CFAP299: variants seen among roughly 807,000 people sequenced by gnomAD.
CFAP299 encodes the protein cilia- and flagella-associated protein 299.
In CFAP299, 21 loss-of-function variants were observed where a neutral mutation model predicts 27.0. The ratio of observed to expected loss-of-function variants is 0.78; its 90% CI spans 0.55 to 1.12. The LOEUF (loss-of-function observed/expected upper bound fraction) is 1.12. CFAP299 is among the 50% of genes most tolerant of loss of function. CFAP299 has a pLI of 0.00. For synonymous variants in CFAP299, 104 were observed against 98.1 expected (o/e 1.06, Z -0.36); for missense variants, 310 against 276.6 (o/e 1.12, Z -0.86).
chr4:80,701,796 G>A (rs1721499929), intron 3 of CFAP299, among the ~76,000 whole-genome samples: 1 of 151,944 alleles, frequency 6.6e-6, no homozygotes, highest in Non-Finnish European at 1.5e-5. Context: ...AACGGAATGT[G>A]TGCTTCTACT....
At chr4:80,387,967 G>C (rs1328834565) in intron 2 of CFAP299, 1 of 759,606 alleles carries the variant, frequency 1.3e-6, no homozygotes, top group African/African-American at 1.7e-5. Context: ...TGTACACTGT[G>C]GGGGTGGGGT....
intron 4 of CFAP299, among the ~76,000 whole-genome samples, chr4:80,937,867 G>A (rs1736991758): frequency 6.6e-6 from 1 of 151,912 alleles, no homozygotes; most frequent in South Asian, 2.1e-4. Flanking sequence ...TATTTGGATT[G>A]TGCATTTTTA....
At chr4:80,902,586 TACACACACACACACACAC>T (rs3038572) in intron 4 of CFAP299, among the ~76,000 whole-genome samples, 19 of 126,670 alleles carry the variant, frequency 1.5e-4, no homozygotes, top group Non-Finnish European at 2.5e-4. Flanking sequence ...ATGTAATATA[TACACACACACACACACAC>T]ACACACACAC....
At chr4:80,551,136 A>G (rs1734492580) in intron 2 of CFAP299, among the ~76,000 whole-genome samples, 1 of 152,184 alleles carries the variant, frequency 6.6e-6, no homozygotes. Flanking sequence ...AGCAACAATA[A>G]TATTTTTAAA....
intron 1 of CFAP299, among the ~76,000 whole-genome samples, chr4:80,344,806 C>A (rs1722643507): frequency 6.6e-6 from 1 of 152,162 alleles, no homozygotes; most frequent in South Asian, 2.1e-4. Flanking sequence ...GTCAAGTTGG[C>A]TTCATCCTTG....
chr4:80,871,301 T>C, intron 4 of CFAP299: 1 of 985,476 alleles, frequency 1.0e-6, no homozygotes, highest in Non-Finnish European at 1.2e-6. Flanking sequence ...ATTGCCCATG[T>C]CTTTTTGATT....
At chr4:80,634,992 T>G (rs886656278) in intron 3 of CFAP299, among the ~76,000 whole-genome samples, 1 of 152,178 alleles carries the variant, frequency 6.6e-6, no homozygotes, top group Non-Finnish European at 1.5e-5. Flanking sequence ...GAGATCATTA[T>G]AAATCATCTC....
intron 2 of CFAP299, among the ~76,000 whole-genome samples, chr4:80,514,347 T>C (rs1257386057): frequency 1.3e-5 from 2 of 152,112 alleles, no homozygotes; most frequent in African/African-American, 4.8e-5. Flanking sequence ...CTTAAGGTGA[T>C]TTTATTATTT....
intron 3 of CFAP299, among the ~76,000 whole-genome samples, chr4:80,853,311 A>G (rs567550183): frequency 2.0e-4 from 30 of 152,352 alleles, no homozygotes; most frequent in Non-Finnish European, 3.5e-4. Context: ...GATTACAGGC[A>G]TGAGCCACCA....
chr4:80,400,456 G>A (rs1458761841), intron 2 of CFAP299, among the ~76,000 whole-genome samples: 1 of 152,056 alleles, frequency 6.6e-6, no homozygotes, highest in Non-Finnish European at 1.5e-5. Context: ...AATCATGGGG[G>A]TTTGTTTTTC....
chr4:80,607,041 A>G (rs1044831768), intron 3 of CFAP299, among the ~76,000 whole-genome samples: 1 of 152,164 alleles, frequency 6.6e-6, no homozygotes, highest in African/African-American at 2.4e-5. Flanking sequence ...AAAGAAAGTC[A>G]GGTAGGCTAG....
intron 2 of CFAP299, among the ~76,000 whole-genome samples, chr4:80,526,974 A>G (rs1277547442): frequency 6.6e-6 from 1 of 152,136 alleles, no homozygotes; most frequent in East Asian, 1.9e-4. Context: ...AGAGCAAGAC[A>G]CCAACTGTGA....
intron 3 of CFAP299, among the ~76,000 whole-genome samples, chr4:80,800,479 T>TGATATATTA (rs1486801635): frequency 4.0e-3 from 21 of 5,298 alleles, no homozygotes; most frequent in African/African-American, 6.6e-3. Context: ...TATAATATAT[T>TGATATATTA]ATATAATATA....
intron 3 of CFAP299, among the ~76,000 whole-genome samples, chr4:80,787,770 C>A (rs1193771509): frequency 2.0e-5 from 3 of 151,970 alleles, no homozygotes; most frequent in Non-Finnish European, 4.4e-5. Context: ...TATTGCCACT[C>A]CCTGACTTTC....
chr4:80,461,290 C>T (rs188045453), intron 2 of CFAP299, among the ~76,000 whole-genome samples: 67 of 152,230 alleles, frequency 4.4e-4, no homozygotes, highest in African/African-American at 1.5e-3. Context: ...AGGTTCTCTA[C>T]AGAACGTAGA....
In CFAP299 at chr4:80,938,847, C is replaced by G. The variant is rs188017016; in HGVS notation, c.477-5963C>G. On this transcript the variant is annotated intron_variant, in intron 4 of 5. Coordinates refer to ENST00000358105, the MANE Select transcript of CFAP299 (RefSeq NM_152770.3). ...GGCAGGTATATTGGTAATAAACTTG[C>G]TTGATTTTTGTTCACCAGAGAAAGG... Among the ~76,000 whole-genome samples, 617 of 152,258 alleles carry G rather than the reference C, an allele frequency of 4.1e-3. 1 individual carries two copies. Among genetic ancestry groups the G allele is most frequent in the Middle Eastern group, 0.014 (4 of 294 alleles).
chr4:80,386,745 GGGCC>G (rs1352837748), intron 2 of CFAP299: 6 of 1,503,898 alleles, frequency 4.0e-6, no homozygotes, highest in Non-Finnish European at 5.5e-6. Context: ...GAGAGGACAT[GGGCC>G]TTCAGCTTGT....
At chr4:80,600,405 A>G (rs1349363522) in intron 3 of CFAP299, among the ~76,000 whole-genome samples, 1 of 151,664 alleles carries the variant, frequency 6.6e-6, no homozygotes, top group Non-Finnish European at 1.5e-5. Flanking sequence ...CTTCAATGGT[A>G]TAGTGCCTTG....
At chr4:80,665,637 A>C (rs1485137980) in intron 3 of CFAP299, among the ~76,000 whole-genome samples, 1 of 152,250 alleles carries the variant, frequency 6.6e-6, no homozygotes, top group East Asian at 1.9e-4. Context: ...AATGTTTTTG[A>C]ACAAAAGGAA....
Sources: allele counts gnomAD v4.1 joint callset (sites outside exome capture counted in the v4.1 genomes callset), GRCh38; gene constraint gnomAD v4.1.1; transcripts MANE v1.5; gene names NCBI Gene and HGNC (gene_info 2026-07-23, HGNC 2026-07-21).